SEC14L2: variants seen among roughly 807,000 people sequenced by gnomAD.
The protein encoded by SEC14L2 is SEC14-like protein 2.
In SEC14L2, 50 loss-of-function variants were observed where a neutral mutation model predicts 56.9. That is an observed-to-expected ratio of 0.88 (90% CI 0.70 to 1.11). SEC14L2 has a LOEUF of 1.11. Among genes scored for constraint, SEC14L2 ranks in the 50% most tolerant of loss-of-function variants. SEC14L2 has a pLI of 0.00. For missense variants in SEC14L2, 414 were observed against 500.7 expected (o/e 0.83, Z 1.65); for synonymous variants, 179 against 188.5 (o/e 0.95, Z 0.41).
intron 11 of SEC14L2, among the ~76,000 whole-genome samples, chr22:30,419,350 G>T (rs561658221): frequency 2.6e-5 from 4 of 152,156 alleles, no homozygotes; most frequent in African/African-American, 4.8e-5. Context: ...CCAACAGTTC[G>T]AGACCAGCCT....
intron 2 of SEC14L2, among the ~76,000 whole-genome samples, chr22:30,400,921 A>C (rs1170441671): frequency 7.4e-6 from 1 of 134,328 alleles, no homozygotes; most frequent in Non-Finnish European, 1.5e-5. Context: ...AAAAAAAAAA[A>C]AAGAAGGTTA....
chr22:30,408,889 G>T, intron 5 of SEC14L2: 1 of 456,776 alleles, frequency 2.2e-6, no homozygotes. Flanking sequence ...AGAGCACACA[G>T]TGACTCAGGA....
At chr22:30,399,370 C>G (rs1197954669) in intron 1 of SEC14L2, among the ~76,000 whole-genome samples, 1 of 151,914 alleles carries the variant, frequency 6.6e-6, no homozygotes, top group African/African-American at 2.4e-5. Context: ...CAAAAAATAG[C>G]CAGGCGTGTT....
At position 30,424,462 on chromosome 22, in the gene SEC14L2, G is replaced by A. The variant is rs910867966; in HGVS notation, c.*2055G>A. 6 of 344,304 alleles carry A rather than the reference G, an allele frequency of 1.7e-5. No individual in the cohort carries two copies. The highest frequency in any genetic ancestry group is 6.5e-5 in the African/African-American group (3 of 46,446). 21.3% of individuals were successfully genotyped at this position (344,304 alleles called of 1,614,324 possible). On this transcript the variant is annotated 3_prime_UTR_variant, in exon 12 of 12. Transcript: ENST00000615189. ...GGGCCTCCGTAGGGAGCCAGCGGGG[G>A]CCTCAATAGTTACTCATTTTCTCTA...
At position 30,424,457 on chromosome 22, in the gene SEC14L2, C is replaced by CG; in HGVS notation, c.*2055dup. 2.9e-6 allele frequency: 1 copy of CG among 342,046 alleles called. No homozygotes were observed. Among genetic ancestry groups the CG allele is most frequent in the Non-Finnish European group, 5.7e-6 (1 of 174,826 alleles). 21.2% of individuals were successfully genotyped at this position (342,046 alleles called of 1,614,324 possible). A position where few individuals can be genotyped will look rare whatever the true frequency, so the allele number is the denominator to read the frequency against. On this transcript the variant is annotated 3_prime_UTR_variant, in exon 12 of 12. Transcript: ENST00000615189. ...AGCGGGGGCCTCCGTAGGGAGCCAGCGGGGGCCTCAATAGTTACTCATTTT... is the reference window on the plus strand; with the variant it reads ...AGCGGGGGCCTCCGTAGGGAGCCAGCGGGGGGCCTCAATAGTTACTCATTTT...
rs141613400 is a variant in SEC14L2 at position 30,422,488 on chromosome 22, C to T, written c.*81C>T. ...CCTTGTAGCAGTCATTTTCGCACAA[C>T]CCTGAAGCCCAAAGAAACTGGGCTG... On this transcript the variant is annotated 3_prime_UTR_variant, in exon 12 of 12. Transcript: ENST00000615189. 3.3e-4 allele frequency: 506 copies of T among 1,553,138 alleles called. No homozygotes were observed. Among genetic ancestry groups the T allele is most frequent in the Non-Finnish European group, 4.2e-4 (483 of 1,145,244 alleles).
chr22:30,422,198 A>G, intron 11 of SEC14L2, 79 bp from the exon 12 acceptor site: 4 of 1,571,010 alleles, frequency 2.5e-6, no homozygotes, highest in Non-Finnish European at 3.5e-6. Context: ...CTCAGTCACT[A>G]AACATCAACA....
intron 1 of SEC14L2, 75 bp from the exon 2 acceptor site, chr22:30,399,564 AGATC>A: frequency 1.1e-6 from 1 of 918,602 alleles, no homozygotes; most frequent in Non-Finnish European, 1.6e-6. Flanking sequence ...CGTCCAGCAA[AGATC>A]TCAGTGGAGA....
Position 30,415,771 on chromosome 22 carries a change from A to C in SEC14L2, c.677A>C (p.Glu226Ala), listed in dbSNP as rs1466345100. The C allele has an allele frequency of 1.2e-6, 2 of 1,613,950 alleles. No homozygotes were observed. Among genetic ancestry groups the C allele is most frequent in the African/African-American group, 2.7e-5 (2 of 74,912 alleles). ...KIMVLGANWK[E>A]VLLKHISPDQ... is the part of the protein sequence containing the mutation. ...CCTCTCCTGCCAGCAAATTGGAAGG[A>C]GGTTTTACTGAAACATATCAGCCCT... Residue 226 changes from glutamate to alanine, a missense_variant, in exon 9 of 12, where the codon GAG becomes GCG. Physicochemically the swap from Glu to Ala is moderately radical, Grantham distance 107 (BLOSUM62 -1). Transcript: ENST00000615189.
At chr22:30,409,037 G>T (rs1934174369) in intron 5 of SEC14L2, 150 bp from the exon 6 acceptor site, 1 of 754,018 alleles carries the variant, frequency 1.3e-6, no homozygotes, top group Non-Finnish European at 2.4e-6. Flanking sequence ...TCTGGCCTGG[G>T]GTGATTATCT....
chr22:30,411,574 C>T (rs1311156086), intron 8 of SEC14L2, among the ~76,000 whole-genome samples: 1 of 151,622 alleles, frequency 6.6e-6, no homozygotes, highest in African/African-American at 2.4e-5. Flanking sequence ...GGTGAAACCC[C>T]ATCTCTGCTA....
chr22:30,404,419 T>A (rs1167801739), intron 2 of SEC14L2, among the ~76,000 whole-genome samples: 1 of 152,066 alleles, frequency 6.6e-6, no homozygotes, highest in African/African-American at 2.4e-5. Context: ...AGTCAGGGAA[T>A]GTGCTCGGCA....
chr22:30,405,112 C>G (rs900446865), intron 2 of SEC14L2, among the ~76,000 whole-genome samples: 3 of 151,668 alleles, frequency 2.0e-5, no homozygotes, highest in Admixed American at 6.6e-5. Flanking sequence ...TCTTAGACAA[C>G]ACTTGGGGCT....
At chr22:30,412,230 AC>A (rs933064392) in intron 8 of SEC14L2, among the ~76,000 whole-genome samples, 2 of 152,176 alleles carry the variant, frequency 1.3e-5, no homozygotes, top group Non-Finnish European at 2.9e-5. Context: ...TGCGAAGGCT[AC>A]CAGTTTGCAC....
chr22:30,416,803 A>AAAGTGCAGC, intron 11 of SEC14L2: 3 of 1,172,506 alleles, frequency 2.6e-6, no homozygotes, highest in Middle Eastern at 3.6e-4. Flanking sequence ...CAGATGCTCA[A>AAAGTGCAGC]AAGTGCAGCC....
At chr22:30,399,999 C>T (rs551779384) in intron 2 of SEC14L2, among the ~76,000 whole-genome samples, 1 of 152,366 alleles carries the variant, frequency 6.6e-6, no homozygotes, top group African/African-American at 2.4e-5. Context: ...ACAGCCTTTT[C>T]CATCTACTCA....
rs1478578605 is a variant in SEC14L2 at position 30,424,707 on chromosome 22, G to A, written c.*2300G>A. On this transcript the variant is annotated 3_prime_UTR_variant, in exon 12 of 12. Transcript: ENST00000615189. ...GGCTCAGGGAGGCTAACAGCCAGTAGGCGGCACAGCTAGGATTTGAACCCA... is the reference window on the plus strand; with the variant it reads ...GGCTCAGGGAGGCTAACAGCCAGTAAGCGGCACAGCTAGGATTTGAACCCA... 1 of 456,484 alleles carries A rather than the reference G, an allele frequency of 2.2e-6. No individual in the cohort carries two copies. Among genetic ancestry groups the A allele is most frequent in the African/African-American group, 2.0e-5 (1 of 50,056 alleles). The allele number at this position is 456,484 out of a possible 1,614,324, so 28.3% of individuals were successfully genotyped here.
In SEC14L2 at chr22:30,410,597, C is replaced by A; in HGVS notation, c.582C>A (p.Ala194=). 2 of 1,614,064 alleles carry A rather than the reference C, an allele frequency of 1.2e-6. No homozygotes were observed. Among genetic ancestry groups the A allele is most frequent in the Non-Finnish European group, 1.7e-6 (2 of 1,179,900 alleles). Reference sequence around the variant, plus strand: ...CACATTATCTGGTCTCTGTTCCAGCCCCCAAACTGTTTCCTGTGGCCTATA... The same window carrying A: ...CACATTATCTGGTCTCTGTTCCAGCACCCAAACTGTTTCCTGTGGCCTATA... The part of the protein sequence containing the change: ...ETLKRLFVVK[A]PKLFPVAYNL... The change falls in exon 8 of 12, where the codon GCC becomes GCA. Residue 194 remains alanine (A), a splice_region_variant and synonymous_variant. Transcript: ENST00000615189.
chr22:30,418,193 C>CCA (rs1401228435), intron 11 of SEC14L2, among the ~76,000 whole-genome samples: 1 of 152,112 alleles, frequency 6.6e-6, no homozygotes, highest in Non-Finnish European at 1.5e-5. Context: ...GCTGAGATTA[C>CCA]CAGCATGAGC....
Sources: allele counts gnomAD v4.1 joint callset (sites outside exome capture counted in the v4.1 genomes callset), GRCh38; gene constraint gnomAD v4.1.1; transcripts MANE v1.5; gene names NCBI Gene and HGNC (gene_info 2026-07-23, HGNC 2026-07-21).